Variants in ENAH observed in about 807,000 individuals in gnomAD.
ENAH encodes the protein ENAH actin regulator.
In ENAH, 23 loss-of-function variants were observed where a neutral mutation model predicts 78.7. That is an observed-to-expected ratio of 0.29 (90% CI 0.21 to 0.41). ENAH has a LOEUF of 0.41. ENAH is among the 10% of genes least tolerant of loss of function. The probability of loss-of-function intolerance (pLI) is 1.00; values close to 1 mark genes in which losing one functional copy is unlikely to be tolerated. For missense variants in ENAH, 544 were observed against 691.0 expected (o/e 0.79, Z 2.39); for synonymous variants, 226 against 241.0 (o/e 0.94, Z 0.58).
intron 3 of ENAH, among the ~76,000 whole-genome samples, chr1:225,541,959 GAACCTCA>G (rs2096591426): frequency 6.6e-6 from 1 of 152,074 alleles, no homozygotes; most frequent in African/African-American, 2.4e-5. Flanking sequence ...CAGTGAAGTG[GAACCTCA>G]AACTCCCAGG....
At chr1:225,578,056 G>A (rs2096796694) in intron 1 of ENAH, among the ~76,000 whole-genome samples, 1 of 152,088 alleles carries the variant, frequency 6.6e-6, no homozygotes, top group Admixed American at 6.6e-5. Context: ...CATACCTGGA[G>A]ACAGAGAATA....
At chr1:225,609,907 G>T (rs570744191) in intron 1 of ENAH, among the ~76,000 whole-genome samples, 1 of 151,752 alleles carries the variant, frequency 6.6e-6, no homozygotes, top group Non-Finnish European at 1.5e-5. Context: ...CAAGTGATCC[G>T]CCTGCCTCAG....
At chr1:225,571,951 C>G (rs781283269) in intron 1 of ENAH, among the ~76,000 whole-genome samples, 2 of 152,080 alleles carry the variant, frequency 1.3e-5, no homozygotes, top group South Asian at 2.1e-4. Context: ...AATAGTGAAG[C>G]GCTTTCCTGA....
chr1:225,586,711 G>A (rs1022049844), intron 1 of ENAH, among the ~76,000 whole-genome samples: 7 of 152,068 alleles, frequency 4.6e-5, no homozygotes, highest in Non-Finnish European at 1.0e-4. Context: ...GAATAAAGGA[G>A]AAGAACAACG....
intron 2 of ENAH, among the ~76,000 whole-genome samples, chr1:225,562,224 A>G (rs1027152546): frequency 2.0e-5 from 3 of 151,666 alleles, no homozygotes; most frequent in African/African-American, 7.3e-5. Context: ...CCCAGCCAAC[A>G]TTCCCATTCT....
At chr1:225,589,794 C>CAT (rs1276085346) in intron 1 of ENAH, among the ~76,000 whole-genome samples, 1 of 151,990 alleles carries the variant, frequency 6.6e-6, no homozygotes, top group Non-Finnish European at 1.5e-5. Flanking sequence ...TGTGGGTATA[C>CAT]ATATGTTAAC....
At chr1:225,586,492 G>A (rs1277648201) in intron 1 of ENAH, among the ~76,000 whole-genome samples, 1 of 151,810 alleles carries the variant, frequency 6.6e-6, no homozygotes, top group African/African-American at 2.4e-5. Flanking sequence ...CTTGATTCAT[G>A]AGACCAGCGT....
At position 225,497,712 on chromosome 1, in the gene ENAH, AGTT is replaced by A; in HGVS notation, c.*60_*62del. On this transcript the variant is annotated 3_prime_UTR_variant, in exon 14 of 14. Transcript: ENST00000366843. The stretch of plus-strand genomic sequence containing the variant: ...AATGTAGGGGTTTGCTGTTGTGAAC[AGTT>A]GTTGTTTGTAGGATATTTTTCCTCC... 3.9e-6 allele frequency: 6 copies of A among 1,525,032 alleles called. No individual in the cohort carries two copies. Among genetic ancestry groups the A allele is most frequent in the Non-Finnish European group, 5.4e-6 (6 of 1,106,638 alleles). The allele number at this position is 1,525,032 out of a possible 1,614,324, so 94.5% of individuals were successfully genotyped here. A position where few individuals can be genotyped will look rare whatever the true frequency, so the allele number is the denominator to read the frequency against.
At chr1:225,612,784 G>T (rs111276402) in intron 1 of ENAH, among the ~76,000 whole-genome samples, 1 of 150,400 alleles carries the variant, frequency 6.6e-6, no homozygotes, top group Non-Finnish European at 1.5e-5. Flanking sequence ...AGGACCAACC[G>T]TAAGAAGCAA....
chr1:225,533,669 G>A (rs1039481565), intron 3 of ENAH, among the ~76,000 whole-genome samples: 3 of 152,172 alleles, frequency 2.0e-5, no homozygotes, highest in African/African-American at 7.2e-5. Flanking sequence ...GTTTGTAACA[G>A]AGAAATGTGG....
rs2096231630 is a variant in ENAH at position 225,493,232 on chromosome 1, A to G, written c.*4543T>C. 6.6e-6 allele frequency: 1 copy of G among 152,222 alleles called. No individual in the cohort carries two copies. The highest frequency in any genetic ancestry group is 1.5e-5 in the Non-Finnish European group (1 of 68,036). The allele number at this position is 152,222 out of a possible 1,614,324, so 9.4% of individuals were successfully genotyped here. A position where few individuals can be genotyped will look rare whatever the true frequency, so the allele number is the denominator to read the frequency against. Reference sequence around the variant, plus strand: ...ACAGCTTTTGATGTTGGGAACAGAAAAACCTGCATCACAGACCTCCAACAG... The same window carrying G: ...ACAGCTTTTGATGTTGGGAACAGAAGAACCTGCATCACAGACCTCCAACAG... On this transcript the variant is annotated 3_prime_UTR_variant, in exon 14 of 14. Transcript: ENST00000366843.
intron 6 of ENAH, 199 bp from the exon 7 acceptor site, chr1:225,515,099 C>T (rs905946488): frequency 1.8e-6 from 1 of 567,950 alleles, no homozygotes; most frequent in Middle Eastern, 4.5e-4. Flanking sequence ...TATATAACTA[C>T]TTACTTTAGG....
At chr1:225,610,447 T>C (rs1240028066) in intron 1 of ENAH, among the ~76,000 whole-genome samples, 5 of 152,120 alleles carry the variant, frequency 3.3e-5, no homozygotes, top group African/African-American at 1.2e-4. Flanking sequence ...TATAAAAATA[T>C]TGGGGGATAC....
chr1:225,585,625 T>C (rs963512315), intron 1 of ENAH, among the ~76,000 whole-genome samples: 10 of 151,850 alleles, frequency 6.6e-5, no homozygotes, highest in Admixed American at 6.6e-4. Flanking sequence ...CTGTCTCTAC[T>C]AAAAAAATAC....
intron 1 of ENAH, among the ~76,000 whole-genome samples, chr1:225,590,082 AACACACAC>A (rs3050220): frequency 0.011 from 1,392 of 131,464 alleles, 22 homozygotes; most frequent in African/African-American, 0.027. Context: ...CTCATCACTC[AACACACAC>A]ACACACACAC....
intron 3 of ENAH, among the ~76,000 whole-genome samples, chr1:225,534,453 A>G (rs2096552292): frequency 6.6e-6 from 1 of 151,974 alleles, no homozygotes; most frequent in Non-Finnish European, 1.5e-5. Flanking sequence ...TGCAACACGT[A>G]CTTCTTTGCC....
intron 1 of ENAH, among the ~76,000 whole-genome samples, chr1:225,605,526 A>G: frequency 6.6e-6 from 1 of 152,204 alleles, no homozygotes; most frequent in East Asian, 1.9e-4. Context: ...TGTCCGAGTT[A>G]TTTCCACTTC....
At chr1:225,520,907 GGGAA>G (rs1330301179) in intron 4 of ENAH, among the ~76,000 whole-genome samples, 1 of 124,804 alleles carries the variant, frequency 8.0e-6, no homozygotes, top group Non-Finnish European at 1.6e-5. Flanking sequence ...AGAAAAAGAA[GGGAA>G]GGAAGGGAGG....
chr1:225,592,933 A>C (rs2096883822), intron 1 of ENAH, among the ~76,000 whole-genome samples: 1 of 152,136 alleles, frequency 6.6e-6, no homozygotes, highest in South Asian at 2.1e-4. Flanking sequence ...AAACATATTT[A>C]TTTCTCTTTC....
Sources: allele counts gnomAD v4.1 joint callset (sites outside exome capture counted in the v4.1 genomes callset), GRCh38; gene constraint gnomAD v4.1.1; transcripts MANE v1.5; gene names NCBI Gene and HGNC (gene_info 2026-07-23, HGNC 2026-07-21).